The following ELF4 variants were observed in gnomAD, a reference collection of about 807,000 sequenced individuals.
The protein encoded by ELF4 is ETS-related transcription factor Elf-4.
ELF4 carries 10 observed loss-of-function variants against 31.7 expected under a neutral mutation model. The observed-to-expected ratio is 0.32, with a 90% CI of 0.19 to 0.54. ELF4 has a LOEUF of 0.54. Among genes scored for constraint, ELF4 ranks in the 20% least tolerant of loss-of-function variants. The pLI is 0.95. For synonymous variants in ELF4, 208 were observed against 226.7 expected, an observed-to-expected ratio of 0.92 and a Z score of 0.74; for missense variants, 418 against 522.0, an observed-to-expected ratio of 0.80 and a Z score of 1.94.
At position 130,065,883 on chromosome X, in the gene ELF4, TCCAG is replaced by T; in HGVS notation, c.*834_*837del. The T allele has an allele frequency of 1.1e-5, 2 of 175,007 alleles. No homozygotes were observed. The highest frequency in any genetic ancestry group is 2.2e-5 in the Non-Finnish European group (2 of 91,218). 14.4% of individuals were successfully genotyped at this position (175,007 alleles called of 1,213,427 possible). A position where few individuals can be genotyped will look rare whatever the true frequency, so the allele number is the denominator to read the frequency against. On this transcript the variant is annotated 3_prime_UTR_variant, in exon 9 of 9. Coordinates refer to ENST00000308167, the MANE Select transcript of ELF4 (RefSeq NM_001421.4). ...AAAGCACTTTGGGGTGGCCCAAGAT[TCCAG>T]CCTGACTGCAAGGTGACTGTGGTTG...
At chrX:130,096,013 T>A (rs1854071650) in intron 1 of ELF4, among the ~76,000 whole-genome samples, 1 of 111,419 alleles carries the variant, frequency 9.0e-6, no homozygotes, top group Non-Finnish European at 1.9e-5. Context: ...CCCACTAAGC[T>A]CAGTAGCCCA....
chrX:130,077,295 A>ATT (rs112465014), intron 2 of ELF4, among the ~76,000 whole-genome samples: 4 of 98,464 alleles, frequency 4.1e-5, no homozygotes, highest in Admixed American at 1.1e-4. Flanking sequence ...ATTCCAGAGA[A>ATT]TTTTTTTTTT....
chrX:130,072,318 G>T lies in ELF4; in HGVS notation c.440C>A (p.Ala147Glu). 1 of 1,212,273 alleles carries T rather than the reference G, an allele frequency of 8.2e-7. No individual in the cohort carries two copies. The highest frequency in any genetic ancestry group is 1.8e-5 in the South Asian group (1 of 57,018). Residue 147 changes from alanine to glutamate, a missense_variant, in exon 5 of 9, where the codon GCG becomes GAG. By Grantham distance (107) the Ala-to-Glu change is moderately radical. This residue lies in a region of ELF4 where 88 missense variants were observed against 92.4 expected (regional missense o/e 0.95). Transcript: ENST00000308167. ...CCCCTCCTGGTCACTAGTGTCACCCGCCCTGTTCAGGGCATCGGGCTCAGA... is the reference window on the plus strand; with the variant it reads ...CCCCTCCTGGTCACTAGTGTCACCCTCCCTGTTCAGGGCATCGGGCTCAGA... ...PASEPDALNR[A>E]GDTSDQEGHS...
intron 1 of ELF4, among the ~76,000 whole-genome samples, chrX:130,104,639 G>A (rs1933344403): frequency 8.9e-6 from 1 of 112,044 alleles, no homozygotes; most frequent in South Asian, 3.7e-4. Context: ...TGAGATGGGC[G>A]CTGACTCCCA....
At chrX:130,109,651 T>G (rs1269662861) in intron 1 of ELF4, among the ~76,000 whole-genome samples, 1 of 110,873 alleles carries the variant, frequency 9.0e-6, no homozygotes, top group Non-Finnish European at 1.9e-5. Flanking sequence ...AGCCAGGAAT[T>G]CATAAAGCGG....
upstream of ELF4, among the ~76,000 whole-genome samples, chrX:130,111,188 C>T (rs1421783434): frequency 3.1e-4 from 34 of 108,262 alleles, 1 homozygote; most frequent in South Asian, 0.013. Context: ...GCCCGCAGAG[C>T]CCGCGTCGTG....
intron 1 of ELF4, among the ~76,000 whole-genome samples, chrX:130,105,924 C>T (rs975997272): frequency 7.6e-5 from 8 of 105,424 alleles, no homozygotes; most frequent in African/African-American, 1.4e-4. Context: ...GGGTTTCAAA[C>T]GAAATCCCCT....
At chrX:130,087,590 C>T (rs1359800284) in intron 1 of ELF4, among the ~76,000 whole-genome samples, 1 of 112,244 alleles carries the variant, frequency 8.9e-6, no homozygotes, top group Non-Finnish European at 1.9e-5. Context: ...GCCTCAGCCT[C>T]CTGAGTAGCT....
chrX:130,108,801 G>T (rs753705058), intron 1 of ELF4, among the ~76,000 whole-genome samples: 7 of 110,067 alleles, frequency 6.4e-5, no homozygotes, highest in Non-Finnish European at 1.3e-4. Context: ...CATGGAGCCT[G>T]CTTCATGGTC....
chrX:130,103,972 G>C (rs1424993619), intron 1 of ELF4, among the ~76,000 whole-genome samples: 3 of 112,160 alleles, frequency 2.7e-5, no homozygotes, highest in African/African-American at 9.7e-5. Context: ...TCAACTCAAG[G>C]CCTCTGGGCA....
chrX:130,071,108 C>G lies in ELF4; in HGVS notation c.741G>C (p.Val247=). ...GIFKLVDSKA[V]SKLWGKQKNK... ...TTTTCTGCTTCCCCCACAGCTTGGA[C>G]ACAGCTTTGGAGTCCACCAGTTTGA... The change falls in exon 7 of 9, where the codon GTG becomes GTC. Residue 247 remains valine (V), a synonymous_variant. Transcript: ENST00000308167. 8.3e-7 allele frequency: 1 copy of G among 1,211,988 alleles called. No individual in the cohort carries two copies. The highest frequency in any genetic ancestry group is 1.1e-6 in the Non-Finnish European group (1 of 895,594).
At position 130,074,125 on chromosome X, in the gene ELF4, G is replaced by A; in HGVS notation, c.264C>T (p.Thr88=). ...SFLLTDDNEA[T]SHTMSTAEVL... Reference sequence around the variant, plus strand: ...CTTCCGCGGTTGACATGGTGTGCGAGGTGGCCTCATTGTCATCTGGTCCGG... The same window carrying A: ...CTTCCGCGGTTGACATGGTGTGCGAAGTGGCCTCATTGTCATCTGGTCCGG... The change falls in exon 4 of 9, where the codon ACC becomes ACT. Residue 88 remains threonine, a synonymous_variant. Coordinates refer to ENST00000308167, the MANE Select transcript of ELF4 (RefSeq NM_001421.4). The A allele has an allele frequency of 8.3e-7, 1 of 1,211,818 alleles. No homozygotes were observed. Among genetic ancestry groups the A allele is most frequent in the Non-Finnish European group, 1.1e-6 (1 of 895,507 alleles).
chrX:130,071,565 A>C, intron 5 of ELF4, 146 bp from the exon 6 acceptor site: 2 of 545,770 alleles, frequency 3.7e-6, no homozygotes, highest in Non-Finnish European at 3.1e-6. Context: ...CACAGCCCTC[A>C]GGCCTTTGCA....
At position 130,069,550 on chromosome X, in the gene ELF4, G is replaced by A; in HGVS notation, c.937C>T (p.Pro313Ser). Residue 313 changes from proline to serine, a missense_variant, in exon 8 of 9, where the codon CCA becomes TCA. Pro to Ser is a moderately conservative substitution (Grantham distance 74). Coordinates refer to ENST00000308167, the MANE Select transcript of ELF4 (RefSeq NM_001421.4). ...ACAGAGGCCGTGGAGGCCTGAGGTG[G>A]GGCTGCTGTGGCTTCGCTGCTCTCA... is the stretch of plus-strand genomic sequence containing the variant. The part of the protein sequence containing the change: ...EDESSEATAA[P>S]PQASTASVAS... The A allele has an allele frequency of 8.3e-7, 1 of 1,211,170 alleles. No homozygotes were observed.
chrX:130,070,845 A>C (rs1603198631), intron 7 of ELF4, among the ~76,000 whole-genome samples, 195 bp downstream of exon 7: 1 of 106,809 alleles, frequency 9.4e-6, no homozygotes, highest in East Asian at 3.2e-4. Context: ...GCCAGGTCAG[A>C]TACAAGAGGA....
chrX:130,067,054 C>A lies in ELF4; in HGVS notation c.1659G>T (p.Gly553=). 1 of 1,212,033 alleles carries A rather than the reference C, an allele frequency of 8.3e-7. No homozygotes were observed. The highest frequency in any genetic ancestry group is 1.1e-6 in the Non-Finnish European group (1 of 895,457). ...SSSYVQGMVT[G]APMEGLLVPE... is the part of the protein sequence containing the mutation. ...GAACCAGCAGCCCCTCCATGGGGGC[C>A]CCCGTCACCATACCCTGAACATAGG... Residue 553 remains glycine (G), a synonymous_variant, in exon 9 of 9, where the codon GGG becomes GGT. Transcript: ENST00000308167.
intron 4 of ELF4, among the ~76,000 whole-genome samples, chrX:130,073,600 C>T (rs903443278): frequency 8.9e-6 from 1 of 112,321 alleles, no homozygotes; most frequent in Non-Finnish European, 1.9e-5. Flanking sequence ...CAACCTCTGC[C>T]TCCTGGGTTC....
At chrX:130,106,427 G>T (rs189276513) in intron 1 of ELF4, among the ~76,000 whole-genome samples, 1 of 111,652 alleles carries the variant, frequency 9.0e-6, no homozygotes, top group Non-Finnish European at 1.9e-5. Flanking sequence ...CTGTTGAATT[G>T]AAACTCAGCA....
Position 130,067,094 on chromosome X carries a change from GGCCC to G in ELF4, c.1615_1618del (p.Gly539HisfsTer2). ...CTGAACATAGGAGGAGGACCTCAGT[GGCCC>G]CTCCTTGACCCTAGGGGCTGCTGTA... On this transcript the variant is annotated frameshift_variant, in exon 9 of 9. Coordinates refer to ENST00000308167, the MANE Select transcript of ELF4 (RefSeq NM_001421.4). LOFTEE classifies it high-confidence loss of function. 1 of 1,207,852 alleles carries G rather than the reference GGCCC, an allele frequency of 8.3e-7. No homozygotes were observed. Among genetic ancestry groups the G allele is most frequent in the Non-Finnish European group, 1.1e-6 (1 of 892,648 alleles).
Sources: allele counts gnomAD v4.1 joint callset (sites outside exome capture counted in the v4.1 genomes callset), GRCh38; gene constraint gnomAD v4.1.1; regional missense constraint gnomAD v4.1.1; transcripts MANE v1.5; gene names NCBI Gene and HGNC (gene_info 2026-07-23, HGNC 2026-07-21).